DOCK1: variants seen among roughly 807,000 people sequenced by gnomAD.
DOCK1 encodes the protein dedicator of cytokinesis 1, also known as dedicator of cytokinesis protein 1.
In DOCK1, 138 loss-of-function variants were observed where a neutral mutation model predicts 262.7. The observed-to-expected ratio is 0.53, with a 90% CI of 0.46 to 0.61. DOCK1 has a LOEUF of 0.61. Ranked by LOEUF, DOCK1 falls within the 20% of genes least tolerant of loss-of-function variation. The pLI, the probability that DOCK1 is intolerant of heterozygous loss-of-function variation, is 0.00. For synonymous variants in DOCK1, 866 were observed against 867.4 expected (o/e 1.00, Z 0.03); for missense variants, 1,908 against 2,370.7 (o/e 0.80, Z 4.05).
intron 1 of DOCK1, 75 bp downstream of exon 1, chr10:126,905,638 T>C: frequency 4.2e-6 from 1 of 236,042 alleles, no homozygotes; most frequent in Admixed American, 5.8e-5. Flanking sequence ...CGGGCGCCTG[T>C]TGCCGCCGCC....
intron 44 of DOCK1, 60 bp from the exon 45 acceptor site, chr10:127,418,305 G>C: frequency 6.6e-7 from 1 of 1,517,546 alleles, no homozygotes; most frequent in Non-Finnish European, 8.9e-7. Context: ...CTCCTCTGGT[G>C]AGACCCTGGG....
intron 27 of DOCK1, among the ~76,000 whole-genome samples, chr10:127,180,971 G>A (rs1250890128): frequency 6.6e-6 from 1 of 152,086 alleles, no homozygotes; most frequent in Non-Finnish European, 1.5e-5. Context: ...GCGTCGTTCT[G>A]GTTTTGCCAA....
At chr10:127,028,149 G>A (rs910428504) in intron 16 of DOCK1, among the ~76,000 whole-genome samples, 7 of 152,126 alleles carry the variant, frequency 4.6e-5, no homozygotes, top group Non-Finnish European at 1.0e-4. Context: ...CAGGCCAGGG[G>A]TTCAGTTACA....
intron 2 of DOCK1, among the ~76,000 whole-genome samples, chr10:126,974,893 G>T (rs2038399806): frequency 6.6e-6 from 1 of 152,046 alleles, no homozygotes; most frequent in South Asian, 2.1e-4. Context: ...GAAAACCATG[G>T]TTTTCATTTT....
chr10:126,948,613 G>A (rs2035840859), intron 1 of DOCK1, among the ~76,000 whole-genome samples: 1 of 151,908 alleles, frequency 6.6e-6, no homozygotes, highest in Admixed American at 6.6e-5. Context: ...GGCCACAGAT[G>A]GAGAAGGAAA....
In DOCK1 at chr10:127,374,077, A is replaced by C; in HGVS notation, c.3538A>C (p.Lys1180Gln). ...FDKILLEHCRKHKYLAKTGET... is the reference protein window; with the variant it reads ...FDKILLEHCRQHKYLAKTGET... ...TTTCAGCCTTCTGGAACACTGCAGG[A>C]AGCACAAATACCTCGCCAAAACAGG... is the stretch of plus-strand genomic sequence containing the variant. The change falls in exon 35 of 52, where the codon AAG (lysine) becomes CAG (glutamine). Residue 1180 changes from lysine (K) to glutamine (Q), a missense_variant. Physicochemically the swap from Lys to Gln is moderately conservative, Grantham distance 53 (BLOSUM62 1). Coordinates refer to ENST00000623213, the MANE Select transcript of DOCK1 (RefSeq NM_001290223.2). 6.2e-7 allele frequency: 1 copy of C among 1,612,720 alleles called. No individual in the cohort carries two copies. The highest frequency in any genetic ancestry group is 8.5e-7 in the Non-Finnish European group (1 of 1,179,302).
At chr10:127,069,421 C>T (rs893830275) in intron 23 of DOCK1, among the ~76,000 whole-genome samples, 18 of 152,118 alleles carry the variant, frequency 1.2e-4, no homozygotes, top group African/African-American at 3.6e-4. Context: ...ATGTTGGCAC[C>T]GTCATAGACC....
chr10:127,376,613 G>A (rs757984384), intron 35 of DOCK1, among the ~76,000 whole-genome samples: 5 of 152,172 alleles, frequency 3.3e-5, no homozygotes, highest in Non-Finnish European at 5.9e-5. Flanking sequence ...CGTGAAATAG[G>A]AACTATTATT....
At chr10:127,196,773 C>T (rs2057202800) in intron 27 of DOCK1, among the ~76,000 whole-genome samples, 1 of 151,960 alleles carries the variant, frequency 6.6e-6, no homozygotes, top group Non-Finnish European at 1.5e-5. Context: ...CGCCGGCTGC[C>T]GCCTGCGCGC....
chr10:127,367,719 A>G (rs2064999849), intron 33 of DOCK1, among the ~76,000 whole-genome samples: 1 of 152,164 alleles, frequency 6.6e-6, no homozygotes, highest in South Asian at 2.1e-4. Context: ...CTGGGTCCAT[A>G]GCCATAGAGC....
rs1280274723 is a variant in DOCK1, at chr10:126,966,280, G to A, written c.47-4422G>A. Among the ~76,000 whole-genome samples, 11 of 152,216 alleles carry A rather than the reference G, an allele frequency of 7.2e-5. No individual in the cohort carries two copies. The East Asian group carries it at 2.1e-3, about 29-fold the overall frequency. On this transcript the variant is annotated intron_variant, in intron 1 of 51. Transcript: ENST00000623213. Reference sequence around the variant, plus strand: ...CCTTCATTTGTTGTTGGACGCCTATGTTGATTTTCTTTATTCATCTGTGTG... The same window carrying A: ...CCTTCATTTGTTGTTGGACGCCTATATTGATTTTCTTTATTCATCTGTGTG...
chr10:127,324,393 T>C (rs2062668824), intron 29 of DOCK1, among the ~76,000 whole-genome samples: 1 of 152,214 alleles, frequency 6.6e-6, no homozygotes, highest in African/African-American at 2.4e-5. Context: ...GTAGATTTCT[T>C]GCAGGGCAGA....
chr10:127,082,162 G>A (rs968100256), intron 23 of DOCK1, among the ~76,000 whole-genome samples: 1 of 152,114 alleles, frequency 6.6e-6, no homozygotes, highest in Non-Finnish European at 1.5e-5. Flanking sequence ...GGTTTTCCTG[G>A]CAGGAACCAT....
At chr10:127,355,232 T>C (rs2064088408) in intron 32 of DOCK1, among the ~76,000 whole-genome samples, 1 of 152,214 alleles carries the variant, frequency 6.6e-6, no homozygotes, top group African/African-American at 2.4e-5. Flanking sequence ...AGTTTATTTG[T>C]AAATTAAGTA....
intron 38 of DOCK1, among the ~76,000 whole-genome samples, chr10:127,387,917 A>C (rs534980548): frequency 6.6e-5 from 10 of 151,594 alleles, no homozygotes; most frequent in African/African-American, 2.4e-4. Flanking sequence ...ATAGTTCATC[A>C]AAAAAATCAT....
At chr10:126,952,050 A>G (rs2134409921) in intron 1 of DOCK1, among the ~76,000 whole-genome samples, 2 of 152,096 alleles carry the variant, frequency 1.3e-5, no homozygotes, top group South Asian at 2.1e-4. Flanking sequence ...GGATTTCACC[A>G]TGTTGGCCAG....
intron 21 of DOCK1, among the ~76,000 whole-genome samples, chr10:127,049,147 T>C (rs2135708015): frequency 6.6e-6 from 1 of 152,348 alleles, no homozygotes; most frequent in Admixed American, 6.5e-5. Flanking sequence ...ATTGTATATA[T>C]ACACATAATT....
At chr10:126,957,392 C>T (rs1207219861) in intron 1 of DOCK1, among the ~76,000 whole-genome samples, 2 of 152,176 alleles carry the variant, frequency 1.3e-5, no homozygotes, top group Non-Finnish European at 2.9e-5. Context: ...GTGCAAACGC[C>T]TCCCATCAAA....
intron 23 of DOCK1, among the ~76,000 whole-genome samples, chr10:127,088,821 A>C (rs2047347474): frequency 6.6e-6 from 1 of 152,108 alleles, no homozygotes; most frequent in African/African-American, 2.4e-5. Context: ...CAAAACTGAG[A>C]TTAAAAAGAA....
Sources: allele counts gnomAD v4.1 joint callset (sites outside exome capture counted in the v4.1 genomes callset), GRCh38; gene constraint gnomAD v4.1.1; transcripts MANE v1.5; gene names NCBI Gene and HGNC (gene_info 2026-07-23, HGNC 2026-07-21).